Variants in LRRC28 observed in about 807,000 individuals in gnomAD.
LRRC28 encodes the protein leucine-rich repeat-containing protein 28.
In LRRC28, 39 loss-of-function variants were observed where a neutral mutation model predicts 45.7. The observed-to-expected ratio is 0.85, with a 90% CI of 0.66 to 1.12. The LOEUF (loss-of-function observed/expected upper bound fraction) is 1.12, where lower values mean the gene tolerates loss of function less well. Ranked by LOEUF, LRRC28 falls within the 50% of genes most tolerant of loss-of-function variation. LRRC28 has a pLI of 0.00. For missense variants in LRRC28, 435 were observed against 438.5 expected (o/e 0.99, Z 0.07); for synonymous variants, 206 against 178.8 (o/e 1.15, Z -1.22).
chr15:99,303,172 G>T (rs959821867), intron 5 of LRRC28, among the ~76,000 whole-genome samples: 1 of 152,076 alleles, frequency 6.6e-6, no homozygotes, highest in Non-Finnish European at 1.5e-5. Context: ...CTTTTTTATG[G>T]TAGCTATTCT....
At position 99,338,453 on chromosome 15, in the gene LRRC28, T is replaced by C. The variant is rs1956399522; in HGVS notation, c.592+4324T>C. 3 of 152,194 alleles carry C rather than the reference T, an allele frequency of 2.0e-5. 1 individual carries two copies. The highest frequency in any genetic ancestry group is 4.4e-5 in the Non-Finnish European group (3 of 68,068). The allele number at this position is 152,194 out of a possible 1,614,324, so 9.4% of individuals were successfully genotyped here. A position where few individuals can be genotyped will look rare whatever the true frequency, so the allele number is the denominator to read the frequency against. On this transcript the variant is annotated intron_variant, in intron 6 of 9. Coordinates refer to ENST00000301981, the MANE Select transcript of LRRC28 (RefSeq NM_144598.5). Reference sequence around the variant, plus strand: ...GTACCTCTTTACAGTAGTTTGGAAATACTCTGCACATACACACAGGCACAC... The same window carrying C: ...GTACCTCTTTACAGTAGTTTGGAAACACTCTGCACATACACACAGGCACAC...
At chr15:99,278,731 C>T (rs1487737123) in intron 3 of LRRC28, among the ~76,000 whole-genome samples, 6 of 152,220 alleles carry the variant, frequency 3.9e-5, no homozygotes, top group African/African-American at 1.4e-4. Flanking sequence ...CATTCAGTGT[C>T]TTGTATTTTC....
chr15:99,342,548 A>T (rs117489756), intron 6 of LRRC28, among the ~76,000 whole-genome samples: 1 of 152,218 alleles, frequency 6.6e-6, no homozygotes, highest in Admixed American at 6.5e-5. Context: ...CAAATACCAC[A>T]TAAGTATACA....
chr15:99,291,332 G>A (rs1047775474), intron 5 of LRRC28, among the ~76,000 whole-genome samples: 1 of 152,126 alleles, frequency 6.6e-6, no homozygotes, highest in Non-Finnish European at 1.5e-5. Context: ...ACTTTTGATT[G>A]AGCCATGTAT....
At chr15:99,382,445 C>G (rs1346742829) in intron 9 of LRRC28, among the ~76,000 whole-genome samples, 1 of 152,218 alleles carries the variant, frequency 6.6e-6, no homozygotes, top group East Asian at 1.9e-4. Context: ...CCTATTCGGC[C>G]ATCTTGGAAC....
intron 2 of LRRC28, chr15:99,257,527 G>A: frequency 2.3e-6 from 1 of 441,362 alleles, no homozygotes; most frequent in Non-Finnish European, 4.3e-6. Context: ...TTAAATTTGT[G>A]GGCGGACCAC....
intron 2 of LRRC28, among the ~76,000 whole-genome samples, chr15:99,270,992 T>C (rs1263278184): frequency 1.3e-5 from 2 of 152,224 alleles, no homozygotes; most frequent in Admixed American, 6.5e-5. Flanking sequence ...TATTGTAGTT[T>C]TGATTTGCAT....
chr15:99,261,677 G>A (rs1209624881), intron 2 of LRRC28, among the ~76,000 whole-genome samples: 1 of 149,438 alleles, frequency 6.7e-6, no homozygotes, highest in Non-Finnish European at 1.5e-5. Context: ...TTTTTTTTTA[G>A]ATGGAGTTTC....
In LRRC28 at chr15:99,345,133, T is replaced by C. The variant is rs181446949; in HGVS notation, c.593-7236T>C. Reference sequence around the variant, plus strand: ...CTGAGGACAGCTTTATTTTCCCCATTATACAGATGAGGAAACTAAGCCGCA... The same window carrying C: ...CTGAGGACAGCTTTATTTTCCCCATCATACAGATGAGGAAACTAAGCCGCA... On this transcript the variant is annotated intron_variant, in intron 6 of 9. Coordinates refer to ENST00000301981, the MANE Select transcript of LRRC28 (RefSeq NM_144598.5). Among the ~76,000 whole-genome samples, 9 of 152,162 alleles carry C rather than the reference T, an allele frequency of 5.9e-5. No individual in the cohort carries two copies. The East Asian group carries it at 1.7e-3, about 29-fold the overall frequency.
At position 99,388,903 on chromosome 15, in the gene LRRC28, C is replaced by T. The variant is rs1008724657; in HGVS notation, c.*2801C>T. 2 of 152,098 alleles carry T rather than the reference C, an allele frequency of 1.3e-5. No individual in the cohort carries two copies. The highest frequency in any genetic ancestry group is 2.4e-5 in the African/African-American group (1 of 41,432). The allele number at this position is 152,098 out of a possible 1,614,324, so 9.4% of individuals were successfully genotyped here. ...TCCTATGAAGTAGTGCAAAGGGGGC[C>T]GATTTTAGTGGATTACCCTATCAGT... On this transcript the variant is annotated 3_prime_UTR_variant, in exon 10 of 10. Transcript: ENST00000301981.
chr15:99,320,427 A>G (rs533853420), intron 5 of LRRC28, among the ~76,000 whole-genome samples: 1 of 152,254 alleles, frequency 6.6e-6, no homozygotes, highest in South Asian at 2.1e-4. Flanking sequence ...AAGGGTTATA[A>G]AAAAATAAAC....
intron 2 of LRRC28, among the ~76,000 whole-genome samples, chr15:99,266,064 A>G (rs895591721): frequency 1.3e-5 from 2 of 152,246 alleles, no homozygotes; most frequent in African/African-American, 4.8e-5. Context: ...CAACAGGAGC[A>G]GATGGATCCT....
At chr15:99,319,995 T>C (rs1955738690) in intron 5 of LRRC28, among the ~76,000 whole-genome samples, 3 of 151,956 alleles carry the variant, frequency 2.0e-5, no homozygotes, top group South Asian at 2.1e-4. Flanking sequence ...TTAGTAGAGA[T>C]GGGGTTTCAC....
At chr15:99,278,353 A>G (rs575801183) in intron 3 of LRRC28, among the ~76,000 whole-genome samples, 24 of 152,258 alleles carry the variant, frequency 1.6e-4, no homozygotes, top group Non-Finnish European at 2.9e-4. Flanking sequence ...GGTTCAAGCA[A>G]TTCTCCTGCC....
chr15:99,257,857 T>G (rs951782360), intron 2 of LRRC28: 15 of 777,298 alleles, frequency 1.9e-5, no homozygotes, highest in South Asian at 1.4e-4. Flanking sequence ...TTGGAAAAGT[T>G]TGCCTTCCAA....
intron 5 of LRRC28, among the ~76,000 whole-genome samples, chr15:99,325,591 G>T (rs1446262843): frequency 6.6e-6 from 1 of 152,196 alleles, no homozygotes. Flanking sequence ...GTGTTTTGTA[G>T]ATGCCCCTTA....
At chr15:99,330,173 G>A (rs916250256) in intron 5 of LRRC28, among the ~76,000 whole-genome samples, 2 of 152,140 alleles carry the variant, frequency 1.3e-5, no homozygotes, top group Admixed American at 6.5e-5. Context: ...ACACTTTATT[G>A]ATTTTGGATC....
At chr15:99,322,953 T>TTGATGCTGCTGA (rs1054279475) in intron 5 of LRRC28, among the ~76,000 whole-genome samples, 13 of 152,224 alleles carry the variant, frequency 8.5e-5, no homozygotes, top group African/African-American at 3.1e-4. Context: ...GACCACTTTG[T>TTGATGCTGCTGA]TGATGCTGCT....
intron 2 of LRRC28, chr15:99,259,154 T>G: frequency 7.7e-7 from 1 of 1,305,494 alleles, no homozygotes; most frequent in Non-Finnish European, 1.1e-6. Context: ...TAGGTTCCAG[T>G]CTTCTCATCA....
Sources: gnomAD v4.1 joint callset for allele counts (sites outside exome capture counted in the v4.1 genomes callset) on GRCh38, gnomAD v4.1.1 for gene constraint, MANE v1.5 for transcripts, NCBI Gene and HGNC (gene_info 2026-07-23, HGNC 2026-07-21) for gene names.